ZNF385B: variants seen among roughly 807,000 people sequenced by gnomAD.
ZNF385B encodes zinc finger protein 533.
Under a neutral mutation model 39.2 loss-of-function variants are expected in ZNF385B, and 23 were observed. That is an observed-to-expected ratio of 0.59 (90% CI 0.42 to 0.83). The LOEUF is 0.83. Ranked by LOEUF, ZNF385B falls within the 40% of genes least tolerant of loss-of-function variation. ZNF385B has a pLI of 0.00. For missense variants in ZNF385B, 552 were observed against 598.9 expected, an observed-to-expected ratio of 0.92 and a Z score of 0.82; for synonymous variants, 205 against 222.6, an observed-to-expected ratio of 0.92 and a Z score of 0.70.
At chr2:179,751,791 C>T (rs1702692084) in intron 3 of ZNF385B, among the ~76,000 whole-genome samples, 1 of 152,076 alleles carries the variant, frequency 6.6e-6, no homozygotes, top group Admixed American at 6.6e-5. Flanking sequence ...ATTCCCACAT[C>T]CAAACTACTA....
intron 3 of ZNF385B, among the ~76,000 whole-genome samples, chr2:179,710,334 C>A (rs978700131): frequency 6.6e-6 from 1 of 152,120 alleles, no homozygotes; most frequent in African/African-American, 2.4e-5. Context: ...GGACTACCTA[C>A]CCAGGAGCAC....
At chr2:179,465,446 T>C (rs931121655) in intron 6 of ZNF385B, among the ~76,000 whole-genome samples, 1 of 152,198 alleles carries the variant, frequency 6.6e-6, no homozygotes, top group Non-Finnish European at 1.5e-5. Context: ...ATTTCATGGG[T>C]ATTTCAAACT....
intron 3 of ZNF385B, among the ~76,000 whole-genome samples, chr2:179,633,043 A>C (rs1691388578): frequency 6.6e-6 from 1 of 152,214 alleles, no homozygotes; most frequent in Admixed American, 6.5e-5. Flanking sequence ...ACAGGCTCTG[A>C]AATTGAGGTA....
chr2:179,819,668 G>A (rs751408278), intron 1 of ZNF385B, among the ~76,000 whole-genome samples: 7 of 152,172 alleles, frequency 4.6e-5, no homozygotes, highest in Non-Finnish European at 8.8e-5. Flanking sequence ...TGGGCTTATG[G>A]CTTTCAGTCT....
intron 5 of ZNF385B, among the ~76,000 whole-genome samples, chr2:179,502,329 T>C (rs558259379): frequency 6.6e-6 from 1 of 152,274 alleles, no homozygotes; most frequent in South Asian, 2.1e-4. Flanking sequence ...AGATGAGATT[T>C]GGCAGAGGCC....
intron 3 of ZNF385B, among the ~76,000 whole-genome samples, chr2:179,574,990 T>C (rs1043130000): frequency 2.0e-5 from 3 of 152,132 alleles, no homozygotes; most frequent in Non-Finnish European, 4.4e-5. Context: ...TCTGTGTATG[T>C]TGATGCTGCT....
At chr2:179,565,240 G>A (rs1470354227) in intron 3 of ZNF385B, among the ~76,000 whole-genome samples, 1 of 152,088 alleles carries the variant, frequency 6.6e-6, no homozygotes, top group African/African-American at 2.4e-5. Context: ...TCTCTACTCG[G>A]CTACTTACCA....
At chr2:179,515,450 T>C (rs995245668) in intron 5 of ZNF385B, among the ~76,000 whole-genome samples, 11 of 152,202 alleles carry the variant, frequency 7.2e-5, no homozygotes, top group Non-Finnish European at 1.6e-4. Context: ...AGATGCAGCA[T>C]GTCTTTAGGT....
rs151228137 is a variant in ZNF385B, at chr2:179,566,793, C to T, written c.299-21824G>A. On this transcript the variant is annotated intron_variant, in intron 3 of 9. Transcript: ENST00000410066. Reference sequence around the variant, plus strand: ...ATTCTTCAGCTTCAGTTCCTTCATCCGAATCCCCCTGACAAATGCATAATG... The same window carrying T: ...ATTCTTCAGCTTCAGTTCCTTCATCTGAATCCCCCTGACAAATGCATAATG... Among the ~76,000 whole-genome samples, 739 of 152,180 alleles carry T rather than the reference C, an allele frequency of 4.9e-3. 6 individuals are homozygous for T. The highest frequency in any genetic ancestry group is 0.02 in the South Asian group (95 of 4,822).
chr2:179,706,636 A>G (rs1189548991), intron 3 of ZNF385B, among the ~76,000 whole-genome samples: 1 of 152,146 alleles, frequency 6.6e-6, no homozygotes, highest in Non-Finnish European at 1.5e-5. Context: ...GATGCCCTGA[A>G]AACACTGAAG....
At chr2:179,807,853 C>T (rs1430986291) in intron 1 of ZNF385B, among the ~76,000 whole-genome samples, 5 of 146,112 alleles carry the variant, frequency 3.4e-5, no homozygotes, top group African/African-American at 1.3e-4. Context: ...TGAGATCACG[C>T]CACTGCACTC....
chr2:179,546,599 C>T (rs995975143), intron 3 of ZNF385B, among the ~76,000 whole-genome samples: 1 of 152,072 alleles, frequency 6.6e-6, no homozygotes, highest in African/African-American at 2.4e-5. Flanking sequence ...ATATATGTAA[C>T]TCATTTTCTT....
intron 1 of ZNF385B, among the ~76,000 whole-genome samples, chr2:179,860,617 G>T (rs967394985): frequency 6.6e-6 from 1 of 152,044 alleles, no homozygotes; most frequent in Non-Finnish European, 1.5e-5. Flanking sequence ...TTCTGCTGCA[G>T]AACTCTCCCA....
chr2:179,746,583 T>C (rs1368992459), intron 3 of ZNF385B, among the ~76,000 whole-genome samples: 2 of 152,158 alleles, frequency 1.3e-5, no homozygotes, highest in African/African-American at 4.8e-5. Context: ...GAGATTTAAA[T>C]CTATTCTGTG....
chr2:179,588,096 T>A (rs1687234456), intron 3 of ZNF385B, among the ~76,000 whole-genome samples: 1 of 152,052 alleles, frequency 6.6e-6, no homozygotes, highest in South Asian at 2.1e-4. Flanking sequence ...TCTTTTATTT[T>A]TTTTCCCCCC....
intron 1 of ZNF385B, among the ~76,000 whole-genome samples, chr2:179,811,445 A>T (rs1339112749): frequency 6.6e-6 from 1 of 152,080 alleles, no homozygotes; most frequent in African/African-American, 2.4e-5. Context: ...TGTGGTACAA[A>T]AACAGATTCA....
chr2:179,503,455 T>C (rs761947323), intron 5 of ZNF385B, among the ~76,000 whole-genome samples: 1 of 152,242 alleles, frequency 6.6e-6, no homozygotes, highest in Non-Finnish European at 1.5e-5. Flanking sequence ...TTATTCAATG[T>C]TTAAATCTCT....
rs538995464 is a variant in ZNF385B, at chr2:179,639,819, T to C, written c.299-94850A>G. Among the ~76,000 whole-genome samples the C allele has an allele frequency of 2.6e-5, 4 of 152,312 alleles. No individual in the cohort carries two copies. In the South Asian group the frequency reaches 8.3e-4, roughly 32 times the overall value. ...TTCACAAAGTTTCAAAGTATCACTG[T>C]GCAGATAATGTTTGAATTTTTAAAA... On this transcript the variant is annotated intron_variant, in intron 3 of 9. Transcript: ENST00000410066.
rs1385840292 is a variant in ZNF385B, at chr2:179,625,135, G to T, written c.299-80166C>A. 2.6e-5 allele frequency among the ~76,000 whole-genome samples: 4 copies of T among 152,144 alleles called. No individual in the cohort carries two copies. In the East Asian group the frequency reaches 7.7e-4, roughly 29 times the overall value. On this transcript the variant is annotated intron_variant, in intron 3 of 9. Transcript: ENST00000410066. ...GGTGATGTAGATATTTTCTAGTCCAGACTCACTGTCTCCTCCATAAAACTT... is the reference window on the plus strand; with the variant it reads ...GGTGATGTAGATATTTTCTAGTCCATACTCACTGTCTCCTCCATAAAACTT...
Sources: allele counts gnomAD v4.1 joint callset (sites outside exome capture counted in the v4.1 genomes callset), GRCh38; gene constraint gnomAD v4.1.1; transcripts MANE v1.5; gene names NCBI Gene and HGNC (gene_info 2026-07-23, HGNC 2026-07-21).